Variants in TNR observed in about 807,000 individuals in gnomAD.
TNR encodes the protein tenascin R, also known as tenascin-R.
Under a neutral mutation model 150.4 loss-of-function variants are expected in TNR, and 45 were observed. That is an observed-to-expected ratio of 0.30 (90% CI 0.24 to 0.38). TNR has a LOEUF of 0.38. Among genes scored for constraint, TNR ranks in the 10% least tolerant of loss-of-function variants. TNR has a pLI of 1.00. For synonymous variants in TNR, 687 were observed against 678.4 expected (o/e 1.01, Z -0.20); for missense variants, 1,544 against 1,759.1 (o/e 0.88, Z 2.19).
intron 1 of TNR, among the ~76,000 whole-genome samples, chr1:175,742,925 C>T (rs920475614): frequency 1.3e-5 from 2 of 151,484 alleles, no homozygotes; most frequent in Non-Finnish European, 2.9e-5. Flanking sequence ...AGAAACCACC[C>T]GCAATTTAGC....
chr1:175,428,933 A>G (rs1418779607), intron 2 of TNR, among the ~76,000 whole-genome samples: 1 of 101,488 alleles, frequency 9.9e-6, no homozygotes, highest in Non-Finnish European at 1.9e-5. Flanking sequence ...CTTTAAACTC[A>G]TTTGGGACCT....
intron 1 of TNR, among the ~76,000 whole-genome samples, chr1:175,729,904 C>T (rs1230871385): frequency 6.6e-6 from 1 of 152,258 alleles, no homozygotes; most frequent in East Asian, 1.9e-4. Flanking sequence ...AAAAGTGTGA[C>T]TAATATAAAA....
At chr1:175,433,341 G>A (rs1383107988) in intron 2 of TNR, among the ~76,000 whole-genome samples, 3 of 152,126 alleles carry the variant, frequency 2.0e-5, no homozygotes, top group Non-Finnish European at 4.4e-5. Flanking sequence ...CCCCTCTTCG[G>A]TCTTCACTAT....
At chr1:175,567,771 G>A (rs181576933) in intron 1 of TNR, among the ~76,000 whole-genome samples, 1 of 152,220 alleles carries the variant, frequency 6.6e-6, no homozygotes, top group East Asian at 1.9e-4. Context: ...TCTAAGCATG[G>A]CCCTCCAACT....
intron 1 of TNR, among the ~76,000 whole-genome samples, chr1:175,614,856 T>C (rs956090604): frequency 2.6e-5 from 4 of 152,098 alleles, no homozygotes; most frequent in Non-Finnish European, 5.9e-5. Flanking sequence ...TTCCACACAG[T>C]GGGTGACCGG....
chr1:175,423,589 T>A (rs1654845234), intron 2 of TNR, among the ~76,000 whole-genome samples: 1 of 152,156 alleles, frequency 6.6e-6, no homozygotes. Context: ...AAATATTTCT[T>A]GGTTTTTCCT....
chr1:175,618,424 T>A (rs1047176858), intron 1 of TNR, among the ~76,000 whole-genome samples: 2 of 152,082 alleles, frequency 1.3e-5, no homozygotes, highest in African/African-American at 4.8e-5. Context: ...GGCTGGTTAT[T>A]TTTCCCCTCT....
chr1:175,366,208 G>C, intron 10 of TNR, 70 bp from the exon 11 acceptor site: 7 of 1,477,018 alleles, frequency 4.7e-6, no homozygotes, highest in Non-Finnish European at 5.4e-6. Flanking sequence ...GGCCTGCTTT[G>C]TGTGTTTCCA....
At chr1:175,435,320 T>C (rs1655453210) in intron 2 of TNR, among the ~76,000 whole-genome samples, 1 of 152,148 alleles carries the variant, frequency 6.6e-6, no homozygotes. Flanking sequence ...TCCAGCCTGA[T>C]GGATTGATAG....
chr1:175,432,619 T>G (rs926563810), intron 2 of TNR, among the ~76,000 whole-genome samples: 4 of 152,204 alleles, frequency 2.6e-5, no homozygotes, highest in Non-Finnish European at 5.9e-5. Context: ...CATCTTTCCT[T>G]TCTTCTTTCA....
At chr1:175,514,836 G>C (rs1308522380) in intron 2 of TNR, among the ~76,000 whole-genome samples, 4 of 152,106 alleles carry the variant, frequency 2.6e-5, no homozygotes, top group African/African-American at 7.2e-5. Flanking sequence ...TGTGCAGAGC[G>C]GGGGAGATTT....
intron 1 of TNR, among the ~76,000 whole-genome samples, chr1:175,695,465 T>C (rs1666488040): frequency 6.6e-6 from 1 of 152,246 alleles, no homozygotes; most frequent in South Asian, 2.1e-4. Flanking sequence ...TAAATGTTTG[T>C]TGTTTTAAGG....
intron 2 of TNR, among the ~76,000 whole-genome samples, chr1:175,453,585 A>G (rs1229594983): frequency 1.3e-5 from 2 of 152,034 alleles, no homozygotes; most frequent in African/African-American, 4.8e-5. Context: ...TTCAGAGACA[A>G]GGCATCTCTC....
intron 2 of TNR, among the ~76,000 whole-genome samples, chr1:175,519,849 AG>A (rs542543218): frequency 4.5e-4 from 69 of 152,208 alleles, no homozygotes; most frequent in Admixed American, 7.2e-4. Context: ...AACTTACAAA[AG>A]CCTGCCTGAT....
At chr1:175,710,649 A>T (rs1666985536) in intron 1 of TNR, among the ~76,000 whole-genome samples, 1 of 152,004 alleles carries the variant, frequency 6.6e-6, no homozygotes, top group South Asian at 2.1e-4. Flanking sequence ...CAGTTTCCTC[A>T]ATCTGTCCCC....
At chr1:175,419,419 C>T (rs1654651047) in intron 2 of TNR, among the ~76,000 whole-genome samples, 1 of 152,028 alleles carries the variant, frequency 6.6e-6, no homozygotes, top group Non-Finnish European at 1.5e-5. Flanking sequence ...TTGAGGGTTC[C>T]CAAAGTTCGT....
In TNR at chr1:175,644,273, G is replaced by T. The variant is rs1664747700; in HGVS notation, c.-165+98953C>A. On this transcript the variant is annotated intron_variant, in intron 1 of 22. Transcript: ENST00000367674. ...GCAATGCAGGCTGTTTAGCTCTGAG[G>T]TAGCTGGTCTCAGTTTATTGCAGAT... Among the ~76,000 whole-genome samples the T allele has an allele frequency of 3.9e-5, 6 of 152,182 alleles. No individual in the cohort carries two copies. The South Asian group carries it at 1.2e-3, about 32-fold the overall frequency.
At chr1:175,623,421 C>T (rs1664042081) in intron 1 of TNR, among the ~76,000 whole-genome samples, 1 of 152,176 alleles carries the variant, frequency 6.6e-6, no homozygotes, top group Non-Finnish European at 1.5e-5. Flanking sequence ...TGCTGTGAAT[C>T]AGCCCTCTTG....
chr1:175,699,838 C>T (rs944605920), intron 1 of TNR, among the ~76,000 whole-genome samples: 2 of 152,042 alleles, frequency 1.3e-5, no homozygotes, highest in African/African-American at 4.8e-5. Context: ...GGCCTCAGCT[C>T]CTTCACTTCA....
Sources: allele counts gnomAD v4.1 joint callset (sites outside exome capture counted in the v4.1 genomes callset), GRCh38; gene constraint gnomAD v4.1.1; transcripts MANE v1.5; gene names NCBI Gene and HGNC (gene_info 2026-07-23, HGNC 2026-07-21).